PABPC4L: variants seen among roughly 807,000 people sequenced by gnomAD.
PABPC4L encodes polyadenylate-binding protein 4-like.
For synonymous variants in PABPC4L, 169 were observed against 164.1 expected, an observed-to-expected ratio of 1.03 and a Z score of -0.23; for missense variants, 452 against 451.4, an observed-to-expected ratio of 1.00 and a Z score of -0.01.
At chr4:134,038,068 T>G in the PABPC4L span, among the ~76,000 whole-genome samples, 1 of 152,336 alleles carries the variant, frequency 6.6e-6, no homozygotes, top group East Asian at 1.9e-4. Context: ...TTTCTGCATC[T>G]ATTGAGATAA....
the PABPC4L span, among the ~76,000 whole-genome samples, chr4:134,059,284 G>T: frequency 2.0e-5 from 3 of 150,926 alleles, no homozygotes; most frequent in African/African-American, 4.9e-5. Context: ...ATACTTAAAG[G>T]TTCGTCGGAA....
At chr4:134,093,281 A>G in the PABPC4L span, among the ~76,000 whole-genome samples, 1 of 151,340 alleles carries the variant, frequency 6.6e-6, no homozygotes, top group Non-Finnish European at 1.5e-5. Flanking sequence ...TGAAAATTTG[A>G]CACATTCATT....
At chr4:134,139,384 C>T in the PABPC4L span, among the ~76,000 whole-genome samples, 1 of 151,846 alleles carries the variant, frequency 6.6e-6, no homozygotes, top group Non-Finnish European at 1.5e-5. Context: ...AAACTGACAA[C>T]AATCAATCAA....
chr4:134,031,476 A>G, the PABPC4L span, among the ~76,000 whole-genome samples: 2 of 152,102 alleles, frequency 1.3e-5, no homozygotes, highest in Non-Finnish European at 2.9e-5. Flanking sequence ...TGTAAAATAG[A>G]CACATTTTTC....
the PABPC4L span, among the ~76,000 whole-genome samples, chr4:134,100,795 G>T: frequency 6.6e-6 from 1 of 151,524 alleles, no homozygotes; most frequent in African/African-American, 2.4e-5. Context: ...TTCTCTGAAA[G>T]ATATCCCTTT....
the PABPC4L span, among the ~76,000 whole-genome samples, chr4:134,006,794 T>C: frequency 6.6e-6 from 1 of 151,882 alleles, no homozygotes; most frequent in East Asian, 1.9e-4. Context: ...CTCTAAATCT[T>C]TTATTTGGTT....
the PABPC4L span, among the ~76,000 whole-genome samples, chr4:134,046,515 A>G: frequency 6.6e-6 from 1 of 151,086 alleles, no homozygotes; most frequent in Non-Finnish European, 1.5e-5. Flanking sequence ...TCTTATCTCA[A>G]CTGCAAAGAG....
the PABPC4L span, among the ~76,000 whole-genome samples, chr4:134,086,648 C>T: frequency 6.6e-5 from 10 of 152,048 alleles, no homozygotes; most frequent in East Asian, 9.7e-4. Flanking sequence ...GCCACCCTCC[C>T]GCTCCACCGT....
the PABPC4L span, among the ~76,000 whole-genome samples, chr4:133,991,159 T>C: frequency 6.6e-6 from 1 of 152,160 alleles, no homozygotes; most frequent in Non-Finnish European, 1.5e-5. Flanking sequence ...ATCAGCAATA[T>C]TCTTTTCCAA....
chr4:133,998,053 T>A, the PABPC4L span, among the ~76,000 whole-genome samples: 2 of 151,872 alleles, frequency 1.3e-5, no homozygotes, highest in Non-Finnish European at 1.5e-5. Context: ...TTTGAACCAT[T>A]TGTATGATCA....
the PABPC4L span, among the ~76,000 whole-genome samples, chr4:134,145,619 G>C: frequency 6.6e-6 from 1 of 151,844 alleles, no homozygotes; most frequent in Non-Finnish European, 1.5e-5. Flanking sequence ...CTAATAATCA[G>C]AGAGGTCTCT....
the PABPC4L span, among the ~76,000 whole-genome samples, chr4:134,078,452 T>C: frequency 6.6e-6 from 1 of 152,260 alleles, no homozygotes; most frequent in Admixed American, 6.5e-5. Flanking sequence ...GCTTGCCATA[T>C]TGCTTAGCAC....
the PABPC4L span, among the ~76,000 whole-genome samples, chr4:133,953,731 T>G: frequency 6.6e-6 from 1 of 152,280 alleles, no homozygotes; most frequent in Non-Finnish European, 1.5e-5. Context: ...AGTTGGGAAT[T>G]TCTGCCCAGA....
the PABPC4L span, among the ~76,000 whole-genome samples, chr4:134,021,911 C>T: frequency 1.3e-5 from 2 of 152,018 alleles, no homozygotes; most frequent in African/African-American, 4.8e-5. Flanking sequence ...AGTTAATGAG[C>T]TTCATGTAAA....
chr4:134,003,535 C>A, the PABPC4L span, among the ~76,000 whole-genome samples: 1 of 151,850 alleles, frequency 6.6e-6, no homozygotes. Flanking sequence ...ATAAATCATT[C>A]ATCAATTTTT....
At chr4:134,137,680 G>A in the PABPC4L span, among the ~76,000 whole-genome samples, 15 of 151,836 alleles carry the variant, frequency 9.9e-5, no homozygotes, top group African/African-American at 2.4e-4. Flanking sequence ...TCAATTCTAA[G>A]CCGAGAAAAC....
At chr4:134,175,488 G>A in the PABPC4L span, among the ~76,000 whole-genome samples, 5 of 150,996 alleles carry the variant, frequency 3.3e-5, no homozygotes, top group East Asian at 3.9e-4. Flanking sequence ...TCGCTCTGTC[G>A]CCCAGGCTGA....
the PABPC4L span, among the ~76,000 whole-genome samples, chr4:134,142,486 T>C: frequency 3.0e-4 from 46 of 151,718 alleles, no homozygotes; most frequent in African/African-American, 1.1e-3. Flanking sequence ...GCCTTTAGGA[T>C]TGATATGTAA....
the PABPC4L span, among the ~76,000 whole-genome samples, chr4:134,013,094 G>A: frequency 6.6e-6 from 1 of 152,012 alleles, no homozygotes; most frequent in Admixed American, 6.6e-5. Context: ...GCTTTTCTTG[G>A]GGAGAGGCAA....
Sources: gnomAD v4.1 joint callset for allele counts (sites outside exome capture counted in the v4.1 genomes callset) on GRCh38, gnomAD v4.1.1 for gene constraint, MANE v1.5 for transcripts, NCBI Gene and HGNC (gene_info 2026-07-23, HGNC 2026-07-21) for gene names.